The following ASIC2 variants were observed in gnomAD, a reference collection of about 807,000 sequenced individuals.
ASIC2 encodes acid sensing ion channel subunit 2, also known as acid-sensing ion channel 2.
ASIC2 carries 25 observed loss-of-function variants against 57.3 expected under a neutral mutation model. The ratio of observed to expected loss-of-function variants is 0.44; its 90% CI spans 0.32 to 0.61. The LOEUF (loss-of-function observed/expected upper bound fraction) is 0.61. Ranked by LOEUF, ASIC2 falls within the 20% of genes least tolerant of loss-of-function variation. The pLI is 0.06. For synonymous variants in ASIC2, 319 were observed against 307.5 expected (o/e 1.04, Z -0.39); for missense variants, 641 against 738.1 (o/e 0.87, Z 1.52).
At position 33,826,927 on chromosome 17, in the gene ASIC2, A is replaced by T. The variant is rs527986386; in HGVS notation, c.555+329051T>A. 2.0e-5 allele frequency among the ~76,000 whole-genome samples: 3 copies of T among 151,686 alleles called. No homozygotes were observed. The South Asian group carries it at 6.2e-4, about 32-fold the overall frequency. On this transcript the variant is annotated intron_variant, in intron 1 of 9. Coordinates refer to the ASIC2 transcript ENST00000359872. ...AATATATAATTAGGTACTAAATTAC[A>T]TGGCATAGAGAATGGAGAAACCTTT... is the stretch of plus-strand genomic sequence containing the variant.
chr17:33,291,996 GC>G lies in ASIC2; in HGVS notation c.119del (p.Gly40AlafsTer22), dbSNP rs2142183148. ...GCAGCGCCCGCTCGCCGCCTCTGCC[GC>G]CCCCGGGCTGCCCGGCAGCCGCCAA... ...AALAAAGQPG[G>X]GRGGERALQG... On this transcript the variant is annotated frameshift_variant, in exon 1 of 10. Transcript: ENST00000225823. LOFTEE classifies it high-confidence loss of function. 15 of 1,254,316 alleles carry G rather than the reference GC, an allele frequency of 1.2e-5. No individual in the cohort carries two copies. Among genetic ancestry groups the G allele is most frequent in the South Asian group, 1.0e-4 (3 of 28,716 alleles). 77.7% of individuals were successfully genotyped at this position (1,254,316 alleles called of 1,614,324 possible).
chr17:33,262,162 G>A (rs1268170362), intron 1 of ASIC2, among the ~76,000 whole-genome samples: 2 of 152,152 alleles, frequency 1.3e-5, no homozygotes, highest in African/African-American at 4.8e-5. Flanking sequence ...TCAAAAGACT[G>A]CCCGGATGAC....
At chr17:33,504,867 G>C (rs1302357878) in intron 1 of ASIC2, among the ~76,000 whole-genome samples, 1 of 152,146 alleles carries the variant, frequency 6.6e-6, no homozygotes, top group Non-Finnish European at 1.5e-5. Context: ...ATTGTTCCTA[G>C]CTGTCAGAGT....
chr17:33,459,466 TC>T (rs1267041612), intron 1 of ASIC2, among the ~76,000 whole-genome samples: 1 of 152,200 alleles, frequency 6.6e-6, no homozygotes, highest in East Asian at 1.9e-4. Flanking sequence ...TAAATACGTT[TC>T]CTTTCTTTGT....
At chr17:33,712,536 G>GTC (rs901450753) in intron 1 of ASIC2, among the ~76,000 whole-genome samples, 3 of 151,934 alleles carry the variant, frequency 2.0e-5, no homozygotes, top group African/African-American at 7.2e-5. Context: ...TGCCTCTGGG[G>GTC]TCTCCCATGT....
intron 1 of ASIC2, among the ~76,000 whole-genome samples, chr17:33,217,850 C>A (rs564731561): frequency 6.6e-6 from 1 of 152,196 alleles, no homozygotes; most frequent in African/African-American, 2.4e-5. Flanking sequence ...TCTTTCTCTG[C>A]GGAGACTTTT....
At chr17:33,979,064 C>A (rs1210073674) in intron 1 of ASIC2, among the ~76,000 whole-genome samples, 1 of 152,130 alleles carries the variant, frequency 6.6e-6, no homozygotes, top group Non-Finnish European at 1.5e-5. Flanking sequence ...GGTTCCAGGG[C>A]CTTGGTCCCT....
intron 1 of ASIC2, among the ~76,000 whole-genome samples, chr17:33,925,846 TG>T (rs1377467992): frequency 6.6e-6 from 1 of 152,200 alleles, no homozygotes; most frequent in Non-Finnish European, 1.5e-5. Flanking sequence ...CAAGGCTGCG[TG>T]GGTGGCCACT....
At chr17:33,613,658 C>T (rs1018345245) in intron 1 of ASIC2, among the ~76,000 whole-genome samples, 1 of 152,138 alleles carries the variant, frequency 6.6e-6, no homozygotes, top group Non-Finnish European at 1.5e-5. Flanking sequence ...TGAGCCACCG[C>T]GCCTGGCCCA....
chr17:34,073,429 G>A (rs1361710272), intron 1 of ASIC2, among the ~76,000 whole-genome samples: 3 of 152,210 alleles, frequency 2.0e-5, no homozygotes, highest in African/African-American at 7.2e-5. Context: ...CCTTATCAGA[G>A]GGAGAAGGAC....
intron 1 of ASIC2, among the ~76,000 whole-genome samples, chr17:33,880,157 A>T (rs1422486344): frequency 6.6e-6 from 1 of 152,266 alleles, no homozygotes; most frequent in Non-Finnish European, 1.5e-5. Context: ...AAAGCAGGAA[A>T]GATCAAAAAT....
intron 1 of ASIC2, among the ~76,000 whole-genome samples, chr17:33,723,788 G>T (rs1909459758): frequency 6.6e-6 from 1 of 152,180 alleles, no homozygotes; most frequent in South Asian, 2.1e-4. Context: ...GTTCTGGATG[G>T]TGGTTCTCTG....
At chr17:34,085,285 A>G (rs994147751) in intron 1 of ASIC2, among the ~76,000 whole-genome samples, 85 of 152,290 alleles carry the variant, frequency 5.6e-4, no homozygotes, top group Non-Finnish European at 1.1e-3. Context: ...TTCTGCATCT[A>G]TTGAGATAAT....
intron 1 of ASIC2, among the ~76,000 whole-genome samples, chr17:34,007,148 G>T (rs1906554926): frequency 6.6e-6 from 1 of 152,162 alleles, no homozygotes; most frequent in South Asian, 2.1e-4. Flanking sequence ...GGGGAAGGAA[G>T]ATTCTGAAGT....
chr17:33,548,628 G>A (rs1165679406), intron 1 of ASIC2, among the ~76,000 whole-genome samples: 1 of 152,132 alleles, frequency 6.6e-6, no homozygotes, highest in Non-Finnish European at 1.5e-5. Flanking sequence ...TAATTACCAT[G>A]CTTAAAACAG....
intron 1 of ASIC2, among the ~76,000 whole-genome samples, chr17:33,245,637 G>A (rs1908662561): frequency 6.6e-6 from 1 of 152,212 alleles, no homozygotes; most frequent in Admixed American, 6.5e-5. Context: ...AGATCTGGGG[G>A]TCCTCCTTGA....
At chr17:33,127,277 G>A (rs927965925) in intron 1 of ASIC2, among the ~76,000 whole-genome samples, 3 of 152,110 alleles carry the variant, frequency 2.0e-5, no homozygotes, top group South Asian at 2.1e-4. Flanking sequence ...GTGGGATCTC[G>A]ACCCTGGTCT....
intron 1 of ASIC2, among the ~76,000 whole-genome samples, chr17:33,881,457 T>C (rs919706635): frequency 1.3e-5 from 2 of 152,284 alleles, no homozygotes; most frequent in East Asian, 3.9e-4. Context: ...AGCATTCTTA[T>C]ACACCAATAA....
intron 1 of ASIC2, among the ~76,000 whole-genome samples, chr17:33,852,578 G>A (rs1457664623): frequency 2.6e-5 from 4 of 152,162 alleles, no homozygotes; most frequent in Non-Finnish European, 5.9e-5. Context: ...CCTAGAAACC[G>A]AAATATGACA....
Sources: gnomAD v4.1 joint callset for allele counts (sites outside exome capture counted in the v4.1 genomes callset) on GRCh38, gnomAD v4.1.1 for gene constraint, MANE v1.5 for transcripts, NCBI Gene and HGNC (gene_info 2026-07-23, HGNC 2026-07-21) for gene names.